The following CCDC18 variants were observed in gnomAD, a reference collection of about 807,000 sequenced individuals.
The protein encoded by CCDC18 is coiled-coil domain containing 18, also known as coiled-coil domain-containing protein 18.
A neutral mutation model predicts 196.0 loss-of-function variants in CCDC18; 157 were observed. The ratio of observed to expected loss-of-function variants is 0.80; its 90% CI spans 0.70 to 0.91. The LOEUF is 0.91. CCDC18 is among the 40% of genes least tolerant of loss of function. The probability of loss-of-function intolerance (pLI) is 0.00; values close to 1 mark genes in which losing one functional copy is unlikely to be tolerated. For synonymous variants in CCDC18, 482 were observed against 529.2 expected, an observed-to-expected ratio of 0.91 and a Z score of 1.22; for missense variants, 1,465 against 1,611.6, an observed-to-expected ratio of 0.91 and a Z score of 1.56.
At chr1:93,209,104 A>G (rs566851930) in intron 9 of CCDC18, among the ~76,000 whole-genome samples, 1 of 152,198 alleles carries the variant, frequency 6.6e-6, no homozygotes, top group East Asian at 1.9e-4. Context: ...GATTACAGGC[A>G]TGTGCCACCA....
intron 14 of CCDC18, 66 bp from the exon 15 acceptor site, chr1:93,221,543 A>G: frequency 9.1e-7 from 1 of 1,101,204 alleles, no homozygotes; most frequent in Middle Eastern, 3.2e-4. Flanking sequence ...TGTCACATGT[A>G]TTTAATATTT....
At chr1:93,250,407 GA>G (rs1287369837) in intron 23 of CCDC18, among the ~76,000 whole-genome samples, 10 of 149,708 alleles carry the variant, frequency 6.7e-5, no homozygotes, top group East Asian at 5.9e-4. Context: ...AGAAAAGAGA[GA>G]AAAAAAAGAA....
chr1:93,217,403 A>G (rs962851737), intron 13 of CCDC18, among the ~76,000 whole-genome samples: 4 of 152,312 alleles, frequency 2.6e-5, no homozygotes, highest in South Asian at 2.1e-4. Context: ...AGTATGACAT[A>G]TTTAATGGTT....
intron 19 of CCDC18, among the ~76,000 whole-genome samples, chr1:93,239,085 G>C (rs930863329): frequency 6.6e-6 from 1 of 152,168 alleles, no homozygotes; most frequent in Admixed American, 6.5e-5. Flanking sequence ...TGCTAGGCTT[G>C]TTAAATATTA....
chr1:93,266,819 A>G (rs1218560642), intron 27 of CCDC18, among the ~76,000 whole-genome samples: 1 of 152,210 alleles, frequency 6.6e-6, no homozygotes, highest in Non-Finnish European at 1.5e-5. Context: ...ACCAACCAAA[A>G]AAAGTCCAGG....
In CCDC18 at chr1:93,236,285, A is replaced by T; in HGVS notation, c.2498A>T (p.Glu833Val). 6.3e-7 allele frequency: 1 copy of T among 1,578,066 alleles called. No homozygotes were observed. Among genetic ancestry groups the T allele is most frequent in the South Asian group, 1.2e-5 (1 of 84,768 alleles). Residue 833 changes from glutamate to valine, a missense_variant, in exon 19 of 29, where the codon GAA (glutamate) becomes GTA (valine). Physicochemically the swap from Glu to Val is moderately radical, Grantham distance 121 (BLOSUM62 -2). Transcript: ENST00000690025. Reference protein sequence around the residue: ...KLEQELQKQRESSAEKLRKME... With the variant: ...KLEQELQKQRVSSAEKLRKME... Reference sequence around the variant, plus strand: ...GAACAAGAACTTCAAAAACAAAGGGAAAGTTCAGCTGAAAAGTTGAGAAAA... The same window carrying T: ...GAACAAGAACTTCAAAAACAAAGGGTAAGTTCAGCTGAAAAGTTGAGAAAA...
At chr1:93,210,652 ATT>A in intron 9 of CCDC18, 148 bp from the exon 10 acceptor site, 1 of 540,854 alleles carries the variant, frequency 1.8e-6, no homozygotes, top group Non-Finnish European at 3.3e-6. Context: ...TTATCTTAAT[ATT>A]TCTTAATGTA....
rs1169913993 is a variant in CCDC18 at position 93,214,923 on chromosome 1, A to T, written c.1676A>T (p.Glu559Val). 10 of 1,609,890 alleles carry T rather than the reference A, an allele frequency of 6.2e-6. No homozygotes were observed. In the African/African-American group the frequency reaches 1.2e-4, roughly 19 times the overall value. Residue 559 changes from glutamate (E) to valine (V), a missense_variant, in exon 12 of 29, where the codon GAG (glutamate) becomes GTG (valine). Glu to Val is a moderately radical substitution (Grantham distance 121). Transcript: ENST00000690025. The stretch of plus-strand genomic sequence containing the variant: ...AGTCAGTTTCAGCTGATTCAAGAGG[A>T]GCTGCTAGAGAAAGCTTCAAACTCC... ...RTSQFQLIQE[E>V]LLEKASNSSK...
intron 11 of CCDC18, among the ~76,000 whole-genome samples, chr1:93,213,350 C>T (rs1208246712): frequency 6.6e-6 from 1 of 151,676 alleles, no homozygotes; most frequent in Non-Finnish European, 1.5e-5. Context: ...AGACATAAGA[C>T]ATCTCCACCA....
At chr1:93,248,413 G>C (rs914050855) in intron 23 of CCDC18, among the ~76,000 whole-genome samples, 3 of 152,146 alleles carry the variant, frequency 2.0e-5, no homozygotes, top group Non-Finnish European at 4.4e-5. Flanking sequence ...ATTTTAATAT[G>C]AAATTATTAT....
At chr1:93,248,879 G>A (rs781164784) in intron 23 of CCDC18, among the ~76,000 whole-genome samples, 34 of 151,522 alleles carry the variant, frequency 2.2e-4, no homozygotes, top group Non-Finnish European at 4.4e-4. Context: ...AGGCTGAGGT[G>A]GAAGGATTGC....
Position 93,186,325 on chromosome 1 carries a change from G to A in CCDC18, c.304-20G>A. 1 of 1,597,920 alleles carries A rather than the reference G, an allele frequency of 6.3e-7. No individual in the cohort carries two copies. On this transcript the variant is annotated intron_variant, in intron 3 of 28. Coordinates refer to ENST00000690025, the MANE Select transcript of CCDC18 (RefSeq NM_001378204.1). Reference sequence around the variant, plus strand: ...AATTGAAATAATTGAAAATATATTTGTTCTTTTTCATTCTTTCAGATGTTT... The same window carrying A: ...AATTGAAATAATTGAAAATATATTTATTCTTTTTCATTCTTTCAGATGTTT...
intron 6 of CCDC18, among the ~76,000 whole-genome samples, chr1:93,194,912 G>A (rs558878613): frequency 1.3e-4 from 19 of 151,958 alleles, no homozygotes; most frequent in Non-Finnish European, 1.9e-4. Context: ...ACTCTGTCTC[G>A]CAGGCTGGAG....
intron 21 of CCDC18, 144 bp from the exon 22 acceptor site, chr1:93,245,961 C>T: frequency 1.6e-5 from 7 of 445,076 alleles, no homozygotes; most frequent in South Asian, 1.3e-4. Context: ...TCTATTATTC[C>T]TTAAATTTGA....
chr1:93,249,898 C>A (rs72959223), intron 23 of CCDC18, among the ~76,000 whole-genome samples: 2 of 151,698 alleles, frequency 1.3e-5, no homozygotes, highest in African/African-American at 4.8e-5. Flanking sequence ...CACAGTAGCC[C>A]GTAGGTTTTG....
At chr1:93,207,469 G>T in intron 9 of CCDC18, 71 bp downstream of exon 9, 1 of 1,169,732 alleles carries the variant, frequency 8.5e-7, no homozygotes, top group Non-Finnish European at 1.2e-6. Flanking sequence ...CTATCATTTT[G>T]TGGTTGCTTT....
intron 9 of CCDC18, 139 bp from the exon 10 acceptor site, chr1:93,210,663 T>C: frequency 1.7e-6 from 1 of 573,124 alleles, no homozygotes; most frequent in African/African-American, 1.9e-5. Context: ...TTTCTTAATG[T>C]ATTTATATAT....
chr1:93,243,629 C>T (rs923856016), intron 21 of CCDC18, among the ~76,000 whole-genome samples: 1 of 152,250 alleles, frequency 6.6e-6, no homozygotes, highest in Non-Finnish European at 1.5e-5. Flanking sequence ...ACACTCAAGT[C>T]ACCTCTGGAG....
In CCDC18 at chr1:93,216,715, CA is replaced by C. The variant is rs1557640875; in HGVS notation, c.1805del (p.Asn602MetfsTer4). On this transcript the variant is annotated frameshift_variant, in exon 13 of 29. Transcript: ENST00000690025. LOFTEE classifies it high-confidence loss of function. Reference protein sequence around the residue: ...EKIVAYSSIAAKNAELEQELM... With the variant: ...EKIVAYSSIAXKNAELEQELM... The stretch of plus-strand genomic sequence containing the variant: ...ATAGTTGCTTATTCCTCTATTGCTG[CA>C]AAAAATGCAGAACTAGAACAGGAGC... 6 of 1,581,226 alleles carry C rather than the reference CA, an allele frequency of 3.8e-6. No homozygotes were observed. Among genetic ancestry groups the C allele is most frequent in the Middle Eastern group, 1.7e-4 (1 of 5,800 alleles).
Sources: allele counts gnomAD v4.1 joint callset (sites outside exome capture counted in the v4.1 genomes callset), GRCh38; gene constraint gnomAD v4.1.1; transcripts MANE v1.5; gene names NCBI Gene and HGNC (gene_info 2026-07-23, HGNC 2026-07-21).